Variants in KLHL1 observed in about 807,000 individuals in gnomAD.
KLHL1 encodes the protein kelch-like protein 1.
In KLHL1, 47 loss-of-function variants were observed where a neutral mutation model predicts 77.7. The ratio of observed to expected loss-of-function variants is 0.60; its 90% CI spans 0.48 to 0.77. KLHL1 has a LOEUF of 0.77. Ranked by LOEUF, KLHL1 falls within the 30% of genes least tolerant of loss-of-function variation. KLHL1 has a pLI of 0.00. For synonymous variants in KLHL1, 360 were observed against 325.2 expected (o/e 1.11, Z -1.15); for missense variants, 925 against 910.8 (o/e 1.02, Z -0.20).
rs565901089 is a variant in KLHL1, at chr13:70,046,867, T to C, written c.497+60336A>G. 3.9e-4 allele frequency among the ~76,000 whole-genome samples: 59 copies of C among 152,304 alleles called. 2 individuals are homozygous for C. The South Asian group carries it at 0.012, about 31-fold the overall frequency. ...TACCGAAGCTGCAATCAGGACCCTC[T>C]TCCTCTCTCCAAAGCATTAAGGAAA... is the stretch of plus-strand genomic sequence containing the variant. On this transcript the variant is annotated intron_variant, in intron 1 of 10. Coordinates refer to ENST00000377844, the MANE Select transcript of KLHL1 (RefSeq NM_020866.3).
At chr13:69,850,788 C>T (rs2138131027) in intron 5 of KLHL1, among the ~76,000 whole-genome samples, 1 of 151,738 alleles carries the variant, frequency 6.6e-6, no homozygotes, top group South Asian at 2.1e-4. Flanking sequence ...CTTAAAGCAC[C>T]TTGTTTAGGC....
At chr13:69,962,643 G>T (rs1439592880) in intron 2 of KLHL1, among the ~76,000 whole-genome samples, 1 of 151,812 alleles carries the variant, frequency 6.6e-6, no homozygotes, top group African/African-American at 2.4e-5. Flanking sequence ...TTTTATATTT[G>T]TGTATTAAAA....
intron 7 of KLHL1, among the ~76,000 whole-genome samples, chr13:69,784,407 A>G (rs1876401337): frequency 6.6e-6 from 1 of 152,238 alleles, no homozygotes; most frequent in African/African-American, 2.4e-5. Context: ...ATAAAGAGTC[A>G]AGACCTATCA....
At chr13:69,930,627 G>A (rs149855483) in intron 4 of KLHL1, among the ~76,000 whole-genome samples, 70 of 151,800 alleles carry the variant, frequency 4.6e-4, no homozygotes, top group African/African-American at 1.7e-3. Context: ...ACTAATAAAG[G>A]CAATATGCCA....
At position 70,107,887 on chromosome 13, in the gene KLHL1, C is replaced by T. The variant is rs992229238; in HGVS notation, c.-188G>A. 17 of 534,592 alleles carry T rather than the reference C, an allele frequency of 3.2e-5. No homozygotes were observed. The highest frequency in any genetic ancestry group is 9.6e-5 in the African/African-American group (5 of 52,250). 33.1% of individuals were successfully genotyped at this position (534,592 alleles called of 1,614,324 possible). ...AAGGCTGGAGCGCAGACGGCAAAGC[C>T]GCGCGTTTCAGCCGTGGTCGGGTCC... On this transcript the variant is annotated 5_prime_UTR_variant, in exon 1 of 11. Transcript: ENST00000377844.
chr13:70,015,716 A>G (rs7321844), intron 1 of KLHL1, among the ~76,000 whole-genome samples: 12,737 of 152,204 alleles, frequency 0.084, 600 homozygotes, highest in Non-Finnish European at 0.11. Flanking sequence ...GGCTAGCCTA[A>G]GCTGTGAGGT....
intron 9 of KLHL1, among the ~76,000 whole-genome samples, chr13:69,711,163 T>A (rs116469627): frequency 0.07 from 10,709 of 152,192 alleles, 462 homozygotes; most frequent in Middle Eastern, 0.13. Context: ...TTGTTTTAAA[T>A]ATAAAAACAT....
intron 10 of KLHL1, among the ~76,000 whole-genome samples, chr13:69,706,108 G>A (rs1429047418): frequency 1.3e-5 from 2 of 151,244 alleles, no homozygotes; most frequent in Non-Finnish European, 3.0e-5. Context: ...TATATCCTTC[G>A]AAATTTTAGT....
At chr13:69,943,672 T>C (rs1394104296) in intron 3 of KLHL1, among the ~76,000 whole-genome samples, 1 of 140,498 alleles carries the variant, frequency 7.1e-6, no homozygotes, top group Non-Finnish European at 1.5e-5. Flanking sequence ...TCTGCTGTTA[T>C]AAAAATAAAG....
In KLHL1 at chr13:69,940,073, A is replaced by C; in HGVS notation, c.981T>G (p.Ile327Met). The change falls in exon 4 of 11, where the codon ATT (isoleucine) becomes ATG (methionine). Residue 327 changes from isoleucine (I) to methionine (M), a missense_variant. Coordinates refer to ENST00000377844, the MANE Select transcript of KLHL1 (RefSeq NM_020866.3). ...IRAFADAQGC[I>M]ELMKVAHSYT... ...AGCTGTGGGCCACCTTCATTAACTCAATGCATCCTTGAGCATCTGCGAAGG... is the reference window on the plus strand; with the variant it reads ...AGCTGTGGGCCACCTTCATTAACTCCATGCATCCTTGAGCATCTGCGAAGG... 6.2e-7 allele frequency: 1 copy of C among 1,611,226 alleles called. No individual in the cohort carries two copies. The highest frequency in any genetic ancestry group is 8.5e-7 in the Non-Finnish European group (1 of 1,178,786).
chr13:69,718,954 C>T (rs1279276388), intron 9 of KLHL1, among the ~76,000 whole-genome samples: 15 of 151,944 alleles, frequency 9.9e-5, no homozygotes. Flanking sequence ...CAAACAAGAA[C>T]AGAAGAATAG....
chr13:69,926,074 T>C (rs1034089911), intron 4 of KLHL1, among the ~76,000 whole-genome samples: 14 of 152,246 alleles, frequency 9.2e-5, no homozygotes, highest in African/African-American at 3.1e-4. Context: ...CAATATTCTA[T>C]AGTTGTAAAT....
intron 6 of KLHL1, among the ~76,000 whole-genome samples, chr13:69,804,909 T>C (rs1877552361): frequency 6.6e-6 from 1 of 152,056 alleles, no homozygotes; most frequent in African/African-American, 2.4e-5. Flanking sequence ...TTTTTTATGA[T>C]CCATAACACA....
intron 1 of KLHL1, among the ~76,000 whole-genome samples, chr13:70,090,339 G>A (rs1447599247): frequency 2.0e-5 from 3 of 152,004 alleles, no homozygotes; most frequent in Non-Finnish European, 4.4e-5. Flanking sequence ...TAGAAGTACT[G>A]AGTTTGAGGG....
intron 1 of KLHL1, among the ~76,000 whole-genome samples, chr13:70,095,368 C>A (rs958704870): frequency 2.0e-5 from 3 of 151,998 alleles, no homozygotes; most frequent in Non-Finnish European, 4.4e-5. Flanking sequence ...AATTGTGGAA[C>A]CTATTGGAAA....
chr13:69,983,162 A>G (rs904554876), intron 1 of KLHL1, among the ~76,000 whole-genome samples: 19 of 152,194 alleles, frequency 1.2e-4, no homozygotes, highest in African/African-American at 4.3e-4. Flanking sequence ...GATTTCTACA[A>G]TGAAAACTAC....
chr13:69,813,105 A>C (rs941461725), intron 6 of KLHL1, among the ~76,000 whole-genome samples: 1 of 152,108 alleles, frequency 6.6e-6, no homozygotes, highest in Admixed American at 6.5e-5. Context: ...CTGGATTAAG[A>C]AAATGTGGCA....
At chr13:69,751,706 T>C (rs1034585576) in intron 7 of KLHL1, among the ~76,000 whole-genome samples, 2 of 152,116 alleles carry the variant, frequency 1.3e-5, no homozygotes, top group Non-Finnish European at 2.9e-5. Flanking sequence ...AAGAGTAATG[T>C]GAAGTTACTA....
chr13:69,867,123 G>T (rs8002832), intron 5 of KLHL1, among the ~76,000 whole-genome samples: 48,667 of 151,856 alleles, frequency 0.32, 8,342 homozygotes, highest in African/African-American at 0.45. Flanking sequence ...AGCATTATTT[G>T]ATTAAAATCC....
Sources: gnomAD v4.1 joint callset for allele counts (sites outside exome capture counted in the v4.1 genomes callset) on GRCh38, gnomAD v4.1.1 for gene constraint, MANE v1.5 for transcripts, NCBI Gene and HGNC (gene_info 2026-07-23, HGNC 2026-07-21) for gene names.